The following PCDHA7 variants were observed in gnomAD, a reference collection of about 807,000 sequenced individuals.
PCDHA7 encodes protocadherin alpha-7.
In PCDHA7, 37 loss-of-function variants were observed where a neutral mutation model predicts 57.2. That is an observed-to-expected ratio of 0.65 (90% CI 0.50 to 0.85). PCDHA7 has a LOEUF of 0.85. PCDHA7 is among the 40% of genes least tolerant of loss of function. PCDHA7 has a pLI of 0.00. For synonymous variants in PCDHA7, 553 were observed against 558.8 expected (o/e 0.99, Z 0.15); for missense variants, 1,188 against 1,241.8 (o/e 0.96, Z 0.65).
intron 1 of PCDHA7, among the ~76,000 whole-genome samples, chr5:140,949,294 T>C (rs1554218899): frequency 1.3e-5 from 2 of 151,840 alleles, no homozygotes; most frequent in African/African-American, 4.8e-5. Flanking sequence ...TATTCTGTAA[T>C]TGTTGGGTGT....
At chr5:140,922,241 G>A (rs1314775680) in intron 1 of PCDHA7, among the ~76,000 whole-genome samples, 1 of 152,192 alleles carries the variant, frequency 6.6e-6, no homozygotes, top group Non-Finnish European at 1.5e-5. Context: ...TGATGTGTAT[G>A]AAGATAAGTT....
intron 1 of PCDHA7, among the ~76,000 whole-genome samples, chr5:140,933,677 T>G (rs1024721491): frequency 6.6e-6 from 1 of 151,826 alleles, no homozygotes; most frequent in African/African-American, 2.4e-5. Flanking sequence ...CTCTCTCACA[T>G]TTTTTTTCCT....
At chr5:140,970,893 T>C (rs568576965) in intron 1 of PCDHA7, among the ~76,000 whole-genome samples, 3 of 152,200 alleles carry the variant, frequency 2.0e-5, no homozygotes, top group Non-Finnish European at 4.4e-5. Context: ...CATGGACATT[T>C]CAGATAGATT....
chr5:140,885,164 T>G (rs2060495549), intron 1 of PCDHA7, among the ~76,000 whole-genome samples: 1 of 151,598 alleles, frequency 6.6e-6, no homozygotes, highest in African/African-American at 2.4e-5. Context: ...TCTCTACTTT[T>G]TTGTCCTCTA....
chr5:140,982,286 A>C, intron 2 of PCDHA7, 189 bp from the exon 3 acceptor site: 1 of 1,075,236 alleles, frequency 9.3e-7, no homozygotes, highest in Non-Finnish European at 1.3e-6. Flanking sequence ...GCAGGCAATA[A>C]GTAAGTCAGC....
intron 2 of PCDHA7, among the ~76,000 whole-genome samples, chr5:140,982,139 A>G (rs1381844546): frequency 1.3e-5 from 2 of 152,260 alleles, no homozygotes; most frequent in Non-Finnish European, 2.9e-5. Flanking sequence ...AGCCCTCCTC[A>G]TCTGCTTCAG....
intron 1 of PCDHA7, among the ~76,000 whole-genome samples, chr5:140,941,409 C>T (rs1284702446): frequency 2.7e-5 from 4 of 149,924 alleles, no homozygotes; most frequent in Admixed American, 1.3e-4. Flanking sequence ...CTCCGCCTCC[C>T]GGGTTCAAGC....
chr5:140,871,272 G>A, intron 1 of PCDHA7: 2 of 1,613,942 alleles, frequency 1.2e-6, no homozygotes, highest in South Asian at 2.2e-5. Flanking sequence ...TGTGGTGGTC[G>A]GCAACGCCCA....
Position 141,010,149 on chromosome 5 carries a change from C to T in PCDHA7, c.*212C>T. 6.3e-7 allele frequency: 1 copy of T among 1,580,088 alleles called. No individual in the cohort carries two copies. Among genetic ancestry groups the T allele is most frequent in the Non-Finnish European group, 8.6e-7 (1 of 1,161,942 alleles). On this transcript the variant is annotated 3_prime_UTR_variant, in exon 4 of 4. Transcript: ENST00000525929. ...GTCTGGTGTTAACTCTTTCTCTCCA[C>T]TCTGGCTTGTTTTCAGAACCTAAAA...
Position 140,836,254 on chromosome 5 carries a change from T to C in PCDHA7, c.1871T>C (p.Val624Ala), listed in dbSNP as rs1644784516. ...GCCGGTGCGAGCATCCCGTTCCGCG[T>C]GGGGCTGTACACTGGTGAGATCAGC... ...VAAGASIPFR[V>A]GLYTGEISTT... The change falls in exon 1 of 4, where the codon GTG becomes GCG. Residue 624 changes from valine (V) to alanine (A), a missense_variant. This residue lies in a region of PCDHA7 where 892 missense variants were observed against 788.5 expected (regional missense o/e 1.13). Transcript: ENST00000525929. 7 of 1,613,670 alleles carry C rather than the reference T, an allele frequency of 4.3e-6. No individual in the cohort carries two copies. Among genetic ancestry groups the C allele is most frequent in the Non-Finnish European group, 5.1e-6 (6 of 1,179,780 alleles).
chr5:140,984,550 A>C (rs1486017679), intron 3 of PCDHA7, among the ~76,000 whole-genome samples: 1 of 152,134 alleles, frequency 6.6e-6, no homozygotes, highest in Non-Finnish European at 1.5e-5. Flanking sequence ...GATAGAGCTT[A>C]CATCTTCCAA....
intron 1 of PCDHA7, among the ~76,000 whole-genome samples, chr5:140,907,765 T>C (rs901037519): frequency 8.5e-5 from 13 of 152,144 alleles, no homozygotes; most frequent in African/African-American, 3.1e-4. Flanking sequence ...GCCCATTGGG[T>C]GATGACAGGG....
At chr5:140,873,448 T>C (rs917341990) in intron 1 of PCDHA7, among the ~76,000 whole-genome samples, 1 of 152,206 alleles carries the variant, frequency 6.6e-6, no homozygotes, top group East Asian at 1.9e-4. Flanking sequence ...AAATAACAAA[T>C]TTGCATTTTA....
chr5:140,981,456 C>G (rs2096933076), intron 2 of PCDHA7, among the ~76,000 whole-genome samples: 1 of 152,054 alleles, frequency 6.6e-6, no homozygotes, highest in African/African-American at 2.4e-5. Flanking sequence ...TGCCTGTAGT[C>G]CCAGCTACTT....
intron 1 of PCDHA7, chr5:140,856,867 C>G (rs1554149232): frequency 6.3e-7 from 1 of 1,595,186 alleles, no homozygotes; most frequent in East Asian, 2.2e-5. Context: ...AAGGAATAAA[C>G]AAGGAAATGA....
intron 1 of PCDHA7, among the ~76,000 whole-genome samples, chr5:140,901,786 T>C (rs2068901288): frequency 6.6e-6 from 1 of 152,242 alleles, no homozygotes; most frequent in South Asian, 2.1e-4. Context: ...TAGATTACTT[T>C]GGGTAGTATG....
Position 141,009,541 on chromosome 5 carries a change from A to G in PCDHA7, c.2504-86A>G. 8 of 1,530,282 alleles carry G rather than the reference A, an allele frequency of 5.2e-6. No homozygotes were observed. The South Asian group carries it at 6.6e-5, about 13-fold the overall frequency. 94.8% of individuals were successfully genotyped at this position (1,530,282 alleles called of 1,614,324 possible). Reference sequence around the variant, plus strand: ...TTTTCTGGGGAGGTTCAGCCTGCCTATGCAGTACTCCTGTACTCTACCAGC... The same window carrying G: ...TTTTCTGGGGAGGTTCAGCCTGCCTGTGCAGTACTCCTGTACTCTACCAGC... On this transcript the variant is annotated intron_variant, in intron 3 of 3. Coordinates refer to ENST00000525929, the MANE Select transcript of PCDHA7 (RefSeq NM_018910.3).
At chr5:140,952,160 G>A (rs952147312) in intron 1 of PCDHA7, among the ~76,000 whole-genome samples, 1 of 152,044 alleles carries the variant, frequency 6.6e-6, no homozygotes, top group Non-Finnish European at 1.5e-5. Context: ...GGCTTTGTGG[G>A]GTTCAGTTCC....
chr5:140,837,446 TA>T (rs1775051312), intron 1 of PCDHA7, among the ~76,000 whole-genome samples: 1 of 151,960 alleles, frequency 6.6e-6, no homozygotes, highest in South Asian at 2.1e-4. Flanking sequence ...TAGTACGTAG[TA>T]AAAAATCTCC....
Sources: allele counts gnomAD v4.1 joint callset (sites outside exome capture counted in the v4.1 genomes callset), GRCh38; gene constraint gnomAD v4.1.1; regional missense constraint gnomAD v4.1.1; transcripts MANE v1.5; gene names NCBI Gene and HGNC (gene_info 2026-07-23, HGNC 2026-07-21).